The following KIF26B variants were observed in gnomAD, a reference collection of about 807,000 sequenced individuals.
KIF26B encodes kinesin-like protein KIF26B.
Under a neutral mutation model 151.2 loss-of-function variants are expected in KIF26B, and 63 were observed. The observed-to-expected ratio is 0.42, with a 90% CI of 0.34 to 0.51. The LOEUF is 0.51. KIF26B is among the 20% of genes least tolerant of loss of function. The pLI, the probability that KIF26B is intolerant of heterozygous loss-of-function variation, is 0.07. For missense variants in KIF26B, 2,813 were observed against 2,913.6 expected (o/e 0.97, Z 0.79); for synonymous variants, 1,357 against 1,262.1 (o/e 1.08, Z -1.59).
At chr1:245,511,318 G>C (rs1660832825) in intron 4 of KIF26B, among the ~76,000 whole-genome samples, 1 of 152,176 alleles carries the variant, frequency 6.6e-6, no homozygotes, top group Admixed American at 6.5e-5. Context: ...AGAATACCTA[G>C]TTCTATCAGA....
chr1:245,614,231 G>A (rs1490750617), intron 9 of KIF26B, among the ~76,000 whole-genome samples: 1 of 152,170 alleles, frequency 6.6e-6, no homozygotes, highest in Admixed American at 6.5e-5. Context: ...CTGGAGTACA[G>A]TGGCGTGATC....
At position 245,167,102 on chromosome 1, in the gene KIF26B, A is replaced by T. The variant is rs1668628584; in HGVS notation, c.465+10419A>T. On this transcript the variant is annotated intron_variant, in intron 2 of 14. Transcript: ENST00000407071. This position sits in a 1 kb window ranked among gnomAD's most constrained non-coding sequence, Gnocchi z 4.2. ...ATACTGTTGCCAACCACAAAAAGTTATTGGAACAAATTTTAGCTCTCCACA... is the reference window on the plus strand; with the variant it reads ...ATACTGTTGCCAACCACAAAAAGTTTTTGGAACAAATTTTAGCTCTCCACA... Among the ~76,000 whole-genome samples, 1 of 152,072 alleles carries T rather than the reference A, an allele frequency of 6.6e-6. No homozygotes were observed.
At chr1:245,559,330 C>A (rs897833191) in intron 5 of KIF26B, among the ~76,000 whole-genome samples, 4 of 152,126 alleles carry the variant, frequency 2.6e-5, no homozygotes, top group Admixed American at 2.6e-4. Context: ...CAGAGTGAGA[C>A]CCTGTCTCAA....
intron 5 of KIF26B, among the ~76,000 whole-genome samples, chr1:245,574,401 C>T (rs2043095869): frequency 6.6e-6 from 1 of 152,190 alleles, no homozygotes; most frequent in South Asian, 2.1e-4. Flanking sequence ...GCCTCGACCT[C>T]CCAAAGTGCT....
intron 10 of KIF26B, among the ~76,000 whole-genome samples, chr1:245,656,122 CAG>C (rs57351218): frequency 0.6 from 91,070 of 151,856 alleles, 27,752 homozygotes; most frequent in African/African-American, 0.67. Context: ...AGGAATATAA[CAG>C]ATGATCTGCA....
At chr1:245,460,100 C>T (rs1441764449) in intron 4 of KIF26B, among the ~76,000 whole-genome samples, 2 of 152,096 alleles carry the variant, frequency 1.3e-5, no homozygotes, top group African/African-American at 2.4e-5. Flanking sequence ...CTGCCTCAGC[C>T]TCCTAGCAGC....
chr1:245,494,479 G>T (rs572446853), intron 4 of KIF26B, among the ~76,000 whole-genome samples: 39 of 152,274 alleles, frequency 2.6e-4, no homozygotes, highest in African/African-American at 9.1e-4. Flanking sequence ...GGTTTAGCTT[G>T]ATCACTCCCA....
intron 5 of KIF26B, among the ~76,000 whole-genome samples, chr1:245,569,926 A>ATTT (rs1230671149): frequency 4.0e-5 from 4 of 99,934 alleles, no homozygotes; most frequent in African/African-American, 1.7e-4. Flanking sequence ...GTAAATAGAG[A>ATTT]ATTTTTTTTT....
intron 3 of KIF26B, among the ~76,000 whole-genome samples, chr1:245,382,210 C>G (rs1673428159): frequency 6.6e-6 from 1 of 152,180 alleles, no homozygotes; most frequent in African/African-American, 2.4e-5. Context: ...TCCAATTTCT[C>G]CATACCCTCC....
chr1:245,522,076 A>T lies in KIF26B; in HGVS notation c.1167-18691A>T, dbSNP rs144973070. ...AGTAGAGACGGGGTTTCACCGTGTT[A>T]GCCAGGATGGTCTCGATCTCCTGAC... On this transcript the variant is annotated intron_variant, in intron 4 of 14. Coordinates refer to ENST00000407071, the MANE Select transcript of KIF26B (RefSeq NM_018012.4). Among the ~76,000 whole-genome samples the T allele has an allele frequency of 4.7e-4, 71 of 152,130 alleles. No individual in the cohort carries two copies. In the East Asian group the frequency reaches 9.1e-3, roughly 20 times the overall value.
intron 3 of KIF26B, among the ~76,000 whole-genome samples, chr1:245,391,779 G>C (rs1382579071): frequency 6.6e-6 from 1 of 151,942 alleles, no homozygotes; most frequent in African/African-American, 2.4e-5. Context: ...CATGTGATGG[G>C]TTTATTATTT....
chr1:245,525,349 T>A (rs1661215797), intron 4 of KIF26B, among the ~76,000 whole-genome samples: 1 of 152,222 alleles, frequency 6.6e-6, no homozygotes, highest in African/African-American at 2.4e-5. Context: ...GTCAGTTCTG[T>A]GTGTTTTTAA....
intron 5 of KIF26B, among the ~76,000 whole-genome samples, chr1:245,553,047 A>G (rs1661931666): frequency 6.6e-6 from 1 of 152,172 alleles, no homozygotes; most frequent in South Asian, 2.1e-4. Flanking sequence ...TTCAGAGTGG[A>G]TGGGGTGACA....
chr1:245,252,001 G>T (rs868487576), intron 2 of KIF26B, among the ~76,000 whole-genome samples: 1 of 152,072 alleles, frequency 6.6e-6, no homozygotes, highest in Non-Finnish European at 1.5e-5. Flanking sequence ...GGCTTGGCCT[G>T]GTGGCTCATG....
At chr1:245,298,709 A>C (rs1276160130) in intron 2 of KIF26B, among the ~76,000 whole-genome samples, 1 of 152,256 alleles carries the variant, frequency 6.6e-6, no homozygotes, top group Non-Finnish European at 1.5e-5. Flanking sequence ...AGCTATGCTT[A>C]GATATGTCTT....
At chr1:245,364,711 C>T (rs549447104) in intron 2 of KIF26B, among the ~76,000 whole-genome samples, 10 of 152,180 alleles carry the variant, frequency 6.6e-5, no homozygotes, top group African/African-American at 2.2e-4. Context: ...TGAGCCACCG[C>T]GCCCGGCTGA....
rs1318237149 is a variant in KIF26B, at chr1:245,709,067, A to G, written c.*6461A>G. ...AAGTGTTTGCTGTTAAAATGCTTCA[A>G]TAAAACTCATTTGTTAAAGTCAGAA... On this transcript the variant is annotated 3_prime_UTR_variant, in exon 15 of 15. Transcript: ENST00000407071. 9.9e-5 allele frequency: 15 copies of G among 152,256 alleles called. No homozygotes were observed. Among genetic ancestry groups the G allele is most frequent in the Admixed American group, 7.8e-4 (12 of 15,288 alleles). The allele number at this position is 152,256 out of a possible 1,614,324, so 9.4% of individuals were successfully genotyped here.
chr1:245,215,282 C>T (rs1669621686), intron 2 of KIF26B, among the ~76,000 whole-genome samples: 1 of 152,126 alleles, frequency 6.6e-6, no homozygotes, highest in South Asian at 2.1e-4. Context: ...GCCAGGTGCC[C>T]TCCAGCCAGC....
chr1:245,444,145 A>G (rs921107554), intron 4 of KIF26B, among the ~76,000 whole-genome samples: 4 of 137,424 alleles, frequency 2.9e-5, no homozygotes, highest in African/African-American at 1.1e-4. Flanking sequence ...CTGTTCACCT[A>G]GAGCGGTCAT....
Sources: allele counts gnomAD v4.1 joint callset (sites outside exome capture counted in the v4.1 genomes callset), GRCh38; gene constraint gnomAD v4.1.1; non-coding constraint Gnocchi (gnomAD v3.1); transcripts MANE v1.5; gene names NCBI Gene and HGNC (gene_info 2026-07-23, HGNC 2026-07-21).